LZTFL1: variants seen among roughly 807,000 people sequenced by gnomAD.
LZTFL1 encodes leucine zipper transcription factor-like protein 1.
LZTFL1 carries 25 observed loss-of-function variants against 45.9 expected under a neutral mutation model. That is an observed-to-expected ratio of 0.54 (90% CI 0.40 to 0.76). The LOEUF (loss-of-function observed/expected upper bound fraction) is 0.76. Among genes scored for constraint, LZTFL1 ranks in the 30% least tolerant of loss-of-function variants. The pLI is 0.00. For synonymous variants in LZTFL1, 93 were observed against 117.4 expected (o/e 0.79, Z 1.35); for missense variants, 277 against 331.1 (o/e 0.84, Z 1.27).
intron 2 of LZTFL1, among the ~76,000 whole-genome samples, chr3:45,836,578 C>A (rs964702476): frequency 6.6e-6 from 1 of 152,138 alleles, no homozygotes; most frequent in Non-Finnish European, 1.5e-5. Context: ...TCGCTTGTAA[C>A]CAGAAGGTGG....
chr3:45,912,521 T>C (rs1333524133), intron 2 of LZTFL1, among the ~76,000 whole-genome samples: 1 of 152,208 alleles, frequency 6.6e-6, no homozygotes, highest in Non-Finnish European at 1.5e-5. Flanking sequence ...GCACTTTTAC[T>C]CACTCTCTTG....
intron 2 of LZTFL1, among the ~76,000 whole-genome samples, chr3:45,898,593 A>G (rs561068842): frequency 3.3e-5 from 5 of 152,250 alleles, no homozygotes; most frequent in African/African-American, 1.2e-4. Context: ...TTGCTCACAT[A>G]TTGGAGATGG....
intron 2 of LZTFL1, among the ~76,000 whole-genome samples, chr3:45,899,439 C>T (rs1395861989): frequency 2.6e-5 from 4 of 152,146 alleles, no homozygotes. Flanking sequence ...TACACAAAAT[C>T]ATCTTTGTAC....
At chr3:45,888,822 G>C (rs1233057621) in intron 2 of LZTFL1, among the ~76,000 whole-genome samples, 3 of 140,644 alleles carry the variant, frequency 2.1e-5, no homozygotes, top group Non-Finnish European at 4.4e-5. Context: ...AGATGGCAAG[G>C]CTGTCTGTGG....
intron 1 of LZTFL1, among the ~76,000 whole-genome samples, chr3:45,839,278 C>A (rs9882270): frequency 5.3e-5 from 8 of 151,960 alleles, no homozygotes; most frequent in Non-Finnish European, 1.0e-4. Context: ...TTAGTAGAGA[C>A]GGGGTTTCAC....
intron 1 of LZTFL1, among the ~76,000 whole-genome samples, chr3:45,841,073 T>C (rs1701098245): frequency 1.3e-5 from 2 of 152,198 alleles, no homozygotes; most frequent in Admixed American, 6.5e-5. Flanking sequence ...TTGTGATTTG[T>C]TTTCAACGTG....
At chr3:45,875,615 C>T (rs1262497149) in intron 2 of LZTFL1, among the ~76,000 whole-genome samples, 1 of 152,160 alleles carries the variant, frequency 6.6e-6, no homozygotes, top group African/African-American at 2.4e-5. Flanking sequence ...TAAGCCCAGC[C>T]ATTCAAGACC....
chr3:45,878,430 T>C (rs905273415), intron 2 of LZTFL1, among the ~76,000 whole-genome samples: 5 of 152,242 alleles, frequency 3.3e-5, no homozygotes, highest in African/African-American at 1.2e-4. Context: ...GAAAAAATGA[T>C]CAAGTGTTAA....
At chr3:45,878,809 A>G (rs1701798940) in intron 2 of LZTFL1, among the ~76,000 whole-genome samples, 1 of 152,254 alleles carries the variant, frequency 6.6e-6, no homozygotes, top group South Asian at 2.1e-4. Context: ...GGCCAGGTGC[A>G]GTGGCTCACG....
At chr3:45,898,480 C>G (rs770228396) in intron 2 of LZTFL1, among the ~76,000 whole-genome samples, 3 of 152,208 alleles carry the variant, frequency 2.0e-5, no homozygotes, top group African/African-American at 4.8e-5. Context: ...GACGAGTTTT[C>G]TTTAGTTCTT....
chr3:45,839,976 G>A (rs2125692443), intron 1 of LZTFL1, among the ~76,000 whole-genome samples: 2 of 152,276 alleles, frequency 1.3e-5, no homozygotes, highest in South Asian at 4.1e-4. Flanking sequence ...GTCACAGGCT[G>A]ATTACTACCT....
intron 5 of LZTFL1, 59 bp downstream of exon 5, chr3:45,832,991 C>T: frequency 1.6e-6 from 2 of 1,285,962 alleles, no homozygotes; most frequent in Middle Eastern, 1.8e-4. Flanking sequence ...TGTTTCTCCA[C>T]CCTAGGCAAT....
intron 2 of LZTFL1, among the ~76,000 whole-genome samples, chr3:45,893,452 G>A (rs1366897260): frequency 6.6e-6 from 1 of 151,992 alleles, no homozygotes; most frequent in East Asian, 1.9e-4. Flanking sequence ...ACCATGCCCA[G>A]CCACCTCCCC....
chr3:45,914,712 T>G (rs925379994), intron 1 of LZTFL1, among the ~76,000 whole-genome samples: 1 of 151,838 alleles, frequency 6.6e-6, no homozygotes, highest in Middle Eastern at 3.2e-3. Context: ...CCTGGGTGAG[T>G]CTTGGGCTTT....
chr3:45,879,429 G>A (rs576597451), intron 2 of LZTFL1, among the ~76,000 whole-genome samples: 2 of 152,346 alleles, frequency 1.3e-5, no homozygotes, highest in South Asian at 4.1e-4. Flanking sequence ...TATACTGTAT[G>A]ATTCCAACAA....
chr3:45,861,715 A>G (rs568699275), intron 2 of LZTFL1, among the ~76,000 whole-genome samples: 14 of 152,244 alleles, frequency 9.2e-5, no homozygotes, highest in Non-Finnish European at 1.5e-4. Context: ...AGCTGAGACC[A>G]TAAACTAGCA....
chr3:45,909,235 A>G (rs1470362939), intron 2 of LZTFL1, among the ~76,000 whole-genome samples: 2 of 152,238 alleles, frequency 1.3e-5, no homozygotes, highest in Admixed American at 1.3e-4. Flanking sequence ...AATAAAGTGC[A>G]CAATAGATGT....
chr3:45,892,880 A>G (rs549692117), intron 2 of LZTFL1, among the ~76,000 whole-genome samples: 1 of 152,216 alleles, frequency 6.6e-6, no homozygotes, highest in Non-Finnish European at 1.5e-5. Context: ...TTTCCTCCTC[A>G]GGGCCTGCTG....
At position 45,824,648 on chromosome 3, in the gene LZTFL1, C is replaced by G; in HGVS notation, c.*1666G>C. 5.1e-6 allele frequency: 2 copies of G among 395,270 alleles called. No homozygotes were observed. Among genetic ancestry groups the G allele is most frequent in the Non-Finnish European group, 8.9e-6 (2 of 224,282 alleles). 24.5% of individuals were successfully genotyped at this position (395,270 alleles called of 1,614,324 possible). A position where few individuals can be genotyped will look rare whatever the true frequency, so the allele number is the denominator to read the frequency against. On this transcript the variant is annotated 3_prime_UTR_variant, in exon 10 of 10. Transcript: ENST00000296135. Reference sequence around the variant, plus strand: ...ACATACCTTTTTTCCTCACTGGTTTCAAACTGACAAAGGTGTAGGGAGAAA... The same window carrying G: ...ACATACCTTTTTTCCTCACTGGTTTGAAACTGACAAAGGTGTAGGGAGAAA...
Sources: allele counts gnomAD v4.1 joint callset (sites outside exome capture counted in the v4.1 genomes callset), GRCh38; gene constraint gnomAD v4.1.1; transcripts MANE v1.5; gene names NCBI Gene and HGNC (gene_info 2026-07-23, HGNC 2026-07-21).